Variants in LRIG1 observed in about 807,000 individuals in gnomAD.
The protein encoded by LRIG1 is leucine-rich repeats and immunoglobulin-like domains protein 1.
In LRIG1, 48 loss-of-function variants were observed where a neutral mutation model predicts 99.2. The observed-to-expected ratio is 0.48, with a 90% CI of 0.38 to 0.62. The LOEUF is 0.62. Among genes scored for constraint, LRIG1 ranks in the 20% least tolerant of loss-of-function variants. The pLI, the probability that LRIG1 is intolerant of heterozygous loss-of-function variation, is 0.00. For synonymous variants in LRIG1, 772 were observed against 596.1 expected (o/e 1.29, Z -4.30); for missense variants, 1,646 against 1,434.4 (o/e 1.15, Z -2.38).
At chr3:66,476,494 T>G (rs1369022565) in intron 1 of LRIG1, among the ~76,000 whole-genome samples, 1 of 152,162 alleles carries the variant, frequency 6.6e-6, no homozygotes, top group East Asian at 1.9e-4. Context: ...AAAACAGCTG[T>G]GGAAACCAGG....
At chr3:66,394,942 C>T (rs1345254671) in intron 11 of LRIG1, among the ~76,000 whole-genome samples, 1 of 152,234 alleles carries the variant, frequency 6.6e-6, no homozygotes, top group Non-Finnish European at 1.5e-5. Flanking sequence ...ACAACTTTAG[C>T]TTTGTGGGGC....
chr3:66,418,394 G>A (rs916797504), intron 3 of LRIG1, among the ~76,000 whole-genome samples: 1 of 152,178 alleles, frequency 6.6e-6, no homozygotes, highest in Non-Finnish European at 1.5e-5. Flanking sequence ...CAGCTGGCCT[G>A]TGCGCACCTT....
At position 66,432,688 on chromosome 3, in the gene LRIG1, C is replaced by T. The variant is rs562349175; in HGVS notation, c.366-15422G>A. On this transcript the variant is annotated intron_variant, in intron 3 of 18. Coordinates refer to ENST00000273261, the MANE Select transcript of LRIG1 (RefSeq NM_015541.3). Reference sequence around the variant, plus strand: ...GCCCGGAACAGGAATCCATATCCCACACTCCTAGTCAGGATGTGGAACTGC... The same window carrying T: ...GCCCGGAACAGGAATCCATATCCCATACTCCTAGTCAGGATGTGGAACTGC... 1.4e-3 allele frequency among the ~76,000 whole-genome samples: 209 copies of T among 152,276 alleles called. 2 individuals are homozygous for T. Among genetic ancestry groups the T allele is most frequent in the African/African-American group, 4.8e-3 (200 of 41,556 alleles).
At chr3:66,438,118 T>C (rs1255092991) in intron 3 of LRIG1, among the ~76,000 whole-genome samples, 1 of 152,138 alleles carries the variant, frequency 6.6e-6, no homozygotes, top group African/African-American at 2.4e-5. Flanking sequence ...ATCTGGATGC[T>C]TGGGAGCCAA....
intron 16 of LRIG1, 97 bp downstream of exon 16, chr3:66,382,176 A>G (rs1701115458): frequency 6.9e-7 from 1 of 1,448,980 alleles, no homozygotes; most frequent in African/African-American, 1.4e-5. Flanking sequence ...GCCCCATCTA[A>G]TGCCAGGTAC....
At chr3:66,491,989 G>A (rs1380754870) in intron 1 of LRIG1, among the ~76,000 whole-genome samples, 2 of 152,174 alleles carry the variant, frequency 1.3e-5, no homozygotes, top group African/African-American at 2.4e-5. Flanking sequence ...TTTTCTAAAA[G>A]CTATGTATTT....
intron 2 of LRIG1, among the ~76,000 whole-genome samples, chr3:66,460,042 C>T (rs948025511): frequency 6.6e-6 from 1 of 151,908 alleles, no homozygotes; most frequent in African/African-American, 2.4e-5. Context: ...TTTATCTTGA[C>T]TGCTGAGTCT....
chr3:66,433,426 C>T (rs1703244973), intron 3 of LRIG1, among the ~76,000 whole-genome samples: 1 of 152,214 alleles, frequency 6.6e-6, no homozygotes, highest in Admixed American at 6.5e-5. Flanking sequence ...CTCTACTGGC[C>T]ACTGGCACAT....
chr3:66,384,271 C>T lies in LRIG1; in HGVS notation c.1791G>A (p.Val597=). Residue 597 remains valine, a splice_region_variant and synonymous_variant, in exon 14 of 19, where the codon GTG becomes GTA. Coordinates refer to ENST00000273261, the MANE Select transcript of LRIG1 (RefSeq NM_015541.3). ...YSHKARLTVN[V]LPSFTKTPHD... is the part of the protein sequence containing the mutation. ...GGGGCGTTTTGGTGAATGATGGCAA[C>T]ACTGGAAAACATACGTATACAGGGT... 1 of 1,610,136 alleles carries T rather than the reference C, an allele frequency of 6.2e-7. No individual in the cohort carries two copies. The highest frequency in any genetic ancestry group is 8.5e-7 in the Non-Finnish European group (1 of 1,176,796).
Position 66,380,414 on chromosome 3 carries a change from G to A in LRIG1, c.3131C>T (p.Ser1044Leu). The A allele has an allele frequency of 6.2e-7, 1 of 1,614,210 alleles. No homozygotes were observed. The highest frequency in any genetic ancestry group is 8.5e-7 in the Non-Finnish European group (1 of 1,180,042). ...TELQPASSLT[S>L]GSPERAEAQY... Reference sequence around the variant, plus strand: ...GGCTTCCGCGCGCTCTGGACTGCCTGAAGTTAATGAAGATGCAGGCTGTAG... The same window carrying A: ...GGCTTCCGCGCGCTCTGGACTGCCTAAAGTTAATGAAGATGCAGGCTGTAG... Residue 1044 changes from serine to leucine, a missense_variant, in exon 19 of 19, where the codon TCA becomes TTA. Ser to Leu is a moderately radical substitution (Grantham distance 145). Coordinates refer to ENST00000273261, the MANE Select transcript of LRIG1 (RefSeq NM_015541.3).
intron 1 of LRIG1, among the ~76,000 whole-genome samples, chr3:66,475,252 C>A (rs1412603489): frequency 6.6e-6 from 1 of 152,228 alleles, no homozygotes; most frequent in Non-Finnish European, 1.5e-5. Flanking sequence ...GTGACTCCAA[C>A]ATGACTTCCC....
chr3:66,428,600 T>C (rs755872725), intron 3 of LRIG1, among the ~76,000 whole-genome samples: 15 of 152,234 alleles, frequency 9.9e-5, no homozygotes, highest in Non-Finnish European at 2.1e-4. Flanking sequence ...AAAATTAAGA[T>C]GAGACATTTT....
Position 66,382,860 on chromosome 3 carries a change from A to T in LRIG1, c.2491+122T>A. On this transcript the variant is annotated intron_variant, in intron 15 of 18. Transcript: ENST00000273261. ...AAGTTAAAATGGAATTAGTGGGACT[A>T]AACCCTCAGGAGTTCTGAACACAGT... 6 of 859,144 alleles carry T rather than the reference A, an allele frequency of 7.0e-6. No homozygotes were observed. In the South Asian group the frequency reaches 9.0e-5, roughly 13 times the overall value. The allele number at this position is 859,144 out of a possible 1,614,324, so 53.2% of individuals were successfully genotyped here.
intron 5 of LRIG1, among the ~76,000 whole-genome samples, chr3:66,414,527 A>G (rs1016224667): frequency 2.0e-5 from 3 of 152,224 alleles, no homozygotes; most frequent in Non-Finnish European, 4.4e-5. Flanking sequence ...CAAACTGTTC[A>G]AGAAGTGTCG....
At chr3:66,434,625 C>T (rs1038811335) in intron 3 of LRIG1, among the ~76,000 whole-genome samples, 6 of 151,872 alleles carry the variant, frequency 4.0e-5, no homozygotes, top group African/African-American at 1.5e-4. Context: ...CGTAAGCCTG[C>T]AATCCCAGCT....
chr3:66,466,315 T>A (rs957772361), intron 1 of LRIG1, among the ~76,000 whole-genome samples: 2 of 152,170 alleles, frequency 1.3e-5, no homozygotes, highest in African/African-American at 4.8e-5. Flanking sequence ...AGTGATAGGA[T>A]TACCGGAGTA....
chr3:66,447,347 C>T (rs1703762153), intron 3 of LRIG1, among the ~76,000 whole-genome samples: 1 of 152,142 alleles, frequency 6.6e-6, no homozygotes, highest in Admixed American at 6.5e-5. Context: ...CAGCCCCACA[C>T]TGCCTCCCCA....
At chr3:66,458,016 A>T (rs2106826432) in intron 2 of LRIG1, among the ~76,000 whole-genome samples, 1 of 152,386 alleles carries the variant, frequency 6.6e-6, no homozygotes, top group South Asian at 2.1e-4. Context: ...AGGTTAGCAC[A>T]GGTTTTGAGT....
chr3:66,460,520 G>A (rs1700332180), intron 2 of LRIG1, among the ~76,000 whole-genome samples: 1 of 152,190 alleles, frequency 6.6e-6, no homozygotes, highest in Non-Finnish European at 1.5e-5. Flanking sequence ...TATGACTGGT[G>A]TCTTTATAAG....
Sources: allele counts gnomAD v4.1 joint callset (sites outside exome capture counted in the v4.1 genomes callset), GRCh38; gene constraint gnomAD v4.1.1; transcripts MANE v1.5; gene names NCBI Gene and HGNC (gene_info 2026-07-23, HGNC 2026-07-21).